Variants in SERPINF2 observed in about 807,000 individuals in gnomAD.
SERPINF2 encodes the protein serpin family F member 2, also known as alpha-2-antiplasmin.
A neutral mutation model predicts 45.0 loss-of-function variants in SERPINF2; 15 were observed. The ratio of observed to expected loss-of-function variants is 0.33; its 90% CI spans 0.22 to 0.51. SERPINF2 has a LOEUF of 0.51. SERPINF2 is among the 20% of genes least tolerant of loss of function. SERPINF2 has a pLI of 0.97. For missense variants in SERPINF2, 518 were observed against 637.4 expected (o/e 0.81, Z 2.02); for synonymous variants, 283 against 277.9 (o/e 1.02, Z -0.18).
intron 5 of SERPINF2, among the ~76,000 whole-genome samples, chr17:1,746,345 C>G (rs940751663): frequency 6.6e-6 from 1 of 151,980 alleles, no homozygotes; most frequent in African/African-American, 2.4e-5. Context: ...ATGCAGATTC[C>G]TGGGCCCCCA....
intron 9 of SERPINF2, among the ~76,000 whole-genome samples, chr17:1,753,284 G>A (rs1255471484): frequency 6.6e-6 from 1 of 152,198 alleles, no homozygotes; most frequent in Non-Finnish European, 1.5e-5. Flanking sequence ...TGCTACTGGG[G>A]AGGTTGAGGT....
intron 1 of SERPINF2, among the ~76,000 whole-genome samples, chr17:1,743,417 TGAGA>T: frequency 6.6e-6 from 1 of 152,270 alleles, no homozygotes. Flanking sequence ...CTGACCAGCC[TGAGA>T]AAGACGGGTT....
chr17:1,750,274 G>A lies in SERPINF2; in HGVS notation c.858+1534G>A, dbSNP rs1367459281. Among the ~76,000 whole-genome samples, 21 of 151,904 alleles carry A rather than the reference G, an allele frequency of 1.4e-4. No individual in the cohort carries two copies. The East Asian group carries it at 3.9e-3, about 28-fold the overall frequency. Reference sequence around the variant, plus strand: ...AGGGATTCTCCTGCCTCAGCCTCCCGAGTAGCTTGGACTACAGGCGCCCGC... The same window carrying A: ...AGGGATTCTCCTGCCTCAGCCTCCCAAGTAGCTTGGACTACAGGCGCCCGC... On this transcript the variant is annotated intron_variant, in intron 8 of 9. Transcript: ENST00000453066.
At chr17:1,753,990 C>T (rs1235913832) in intron 9 of SERPINF2, 132 bp from the exon 10 acceptor site, 7 of 1,036,690 alleles carry the variant, frequency 6.8e-6, no homozygotes, top group South Asian at 2.9e-5. Context: ...TCTTGGAAAC[C>T]GGATAGGAAT....
At chr17:1,744,526 G>A (rs565759515) in intron 1 of SERPINF2, 96 of 983,518 alleles carry the variant, frequency 9.8e-5, no homozygotes, top group Middle Eastern at 1.0e-3. Context: ...CCAAAAAGAC[G>A]GTCTTATTTT....
chr17:1,753,706 AAAAT>A (rs1172209981), intron 9 of SERPINF2, among the ~76,000 whole-genome samples: 1 of 152,172 alleles, frequency 6.6e-6, no homozygotes, highest in Non-Finnish European at 1.5e-5. Context: ...TATAATAACT[AAAAT>A]AAATAAATAA....
In SERPINF2 at chr17:1,745,420, G is replaced by C. The variant is rs745456546; in HGVS notation, c.165+25G>C. On this transcript the variant is annotated intron_variant, in intron 4 of 9. Coordinates refer to ENST00000453066, the MANE Select transcript of SERPINF2 (RefSeq NM_000934.4). This position sits in a 1 kb window ranked among gnomAD's most constrained non-coding sequence, Gnocchi z 6.2. ...GGTACAACCAGGTGGGGCTGGGGAA[G>C]AGTGGGCGGGGCTAGAGGGAGGAGG... The C allele has an allele frequency of 2.8e-5, 45 of 1,607,628 alleles. No homozygotes were observed. Among genetic ancestry groups the C allele is most frequent in the Non-Finnish European group, 3.7e-5 (43 of 1,176,490 alleles).
In SERPINF2 at chr17:1,745,519, G is replaced by A. The variant is rs1905736188; in HGVS notation, c.165+124G>A. 2 of 1,293,974 alleles carry A rather than the reference G, an allele frequency of 1.5e-6. No homozygotes were observed. The highest frequency in any genetic ancestry group is 2.2e-6 in the Non-Finnish European group (2 of 918,398). The allele number at this position is 1,293,974 out of a possible 1,614,324, so 80.2% of individuals were successfully genotyped here. On this transcript the variant is annotated intron_variant, in intron 4 of 9. Coordinates refer to ENST00000453066, the MANE Select transcript of SERPINF2 (RefSeq NM_000934.4). This position sits in a 1 kb window ranked among gnomAD's most constrained non-coding sequence, Gnocchi z 6.2. ...TCTGGAGTCCAGAGGCCAGAAGGGA[G>A]AGAGGGTGGGGAGGACCGAAGGTGG...
Position 1,745,255 on chromosome 17 carries a change from G to A in SERPINF2, c.102+42G>A, listed in dbSNP as rs760662355. The A allele has an allele frequency of 6.3e-7, 1 of 1,595,998 alleles. No homozygotes were observed. On this transcript the variant is annotated intron_variant, in intron 3 of 9. Coordinates refer to ENST00000453066, the MANE Select transcript of SERPINF2 (RefSeq NM_000934.4). This position sits in a 1 kb window ranked among gnomAD's most constrained non-coding sequence, Gnocchi z 6.2. ...AGCCTGTGATGGGGGGAAGGTCCCG[G>A]GGGTCTCACTGGTGGCTTGGGCAGG...
chr17:1,750,783 T>C (rs1567742444), intron 8 of SERPINF2, among the ~76,000 whole-genome samples: 1 of 152,112 alleles, frequency 6.6e-6, no homozygotes, highest in South Asian at 2.1e-4. Flanking sequence ...AGAAGCCACT[T>C]GGGCAGCCCT....
In SERPINF2 at chr17:1,755,030, A is replaced by C. The variant is rs1409515363; in HGVS notation, c.*496A>C. ...GTCTGGCACAGCCTGGCTGTGGCCT[A>C]ACCTGCCGAGAGTCCATCAGCCTCC... is the stretch of plus-strand genomic sequence containing the variant. On this transcript the variant is annotated 3_prime_UTR_variant, in exon 10 of 10. Transcript: ENST00000453066. The surrounding 1 kb of genome is among the most constrained non-coding windows in gnomAD (Gnocchi z 4.2). 1 of 169,662 alleles carries C rather than the reference A, an allele frequency of 5.9e-6. No individual in the cohort carries two copies. Among genetic ancestry groups the C allele is most frequent in the Non-Finnish European group, 1.3e-5 (1 of 79,520 alleles). 10.5% of individuals were successfully genotyped at this position (169,662 alleles called of 1,614,324 possible).
chr17:1,745,764 C>T lies in SERPINF2; in HGVS notation c.222C>T (p.Pro74=). The change falls in exon 5 of 10, where the codon CCC becomes CCT. Residue 74 remains proline, a synonymous_variant. Transcript: ENST00000453066. This position sits in a 1 kb window ranked among gnomAD's most constrained non-coding sequence, Gnocchi z 6.2. ...KSPPGVCSRD[P]TPEQTHRLAR... Reference sequence around the variant, plus strand: ...CCCCAGGAGTCTGCAGCAGAGACCCCACCCCAGAGCAGACCCACAGGCTGG... The same window carrying T: ...CCCCAGGAGTCTGCAGCAGAGACCCTACCCCAGAGCAGACCCACAGGCTGG... 6.2e-7 allele frequency: 1 copy of T among 1,614,018 alleles called. No homozygotes were observed. The highest frequency in any genetic ancestry group is 8.5e-7 in the Non-Finnish European group (1 of 1,180,014).
Position 1,745,562 on chromosome 17 carries a change from G to T in SERPINF2, c.166-146G>T, listed in dbSNP as rs1905739632. 4.3e-6 allele frequency: 5 copies of T among 1,159,932 alleles called. No individual in the cohort carries two copies. The highest frequency in any genetic ancestry group is 6.2e-6 in the Non-Finnish European group (5 of 802,384). 71.9% of individuals were successfully genotyped at this position (1,159,932 alleles called of 1,614,324 possible). The stretch of plus-strand genomic sequence containing the variant: ...GAAGGTGGGCGCCAGGCCCCAGAAT[G>T]CCAGTGCCCTCCGTCTGACGCTCCC... On this transcript the variant is annotated intron_variant, in intron 4 of 9. Transcript: ENST00000453066. This position sits in a 1 kb window ranked among gnomAD's most constrained non-coding sequence, Gnocchi z 6.2.
In SERPINF2 at chr17:1,752,606, GAAC is replaced by G; in HGVS notation, c.884_886del (p.Asn295del). On this transcript the variant is annotated inframe_deletion, in exon 9 of 10. Transcript: ENST00000453066. The stretch of plus-strand genomic sequence containing the variant: ...TGTAGGTGGCTCATTTCCCCTTTAA[GAAC>G]AACATGAGCTTTGTGGTCCTTGTAC... 3 of 1,614,122 alleles carry G rather than the reference GAAC, an allele frequency of 1.9e-6. No homozygotes were observed. Among genetic ancestry groups the G allele is most frequent in the Non-Finnish European group, 2.5e-6 (3 of 1,180,024 alleles).
At chr17:1,746,218 T>C (rs1905814950) in intron 5 of SERPINF2, among the ~76,000 whole-genome samples, 1 of 151,838 alleles carries the variant, frequency 6.6e-6, no homozygotes, top group South Asian at 2.1e-4. Context: ...CTCAGGAGGC[T>C]GAGGCAGAGA....
rs1263360994 is a variant in SERPINF2, at chr17:1,748,626, C to A, written c.744C>A (p.Ser248Arg). 1.9e-6 allele frequency: 3 copies of A among 1,613,918 alleles called. No individual in the cohort carries two copies. The highest frequency in any genetic ancestry group is 1.7e-6 in the Non-Finnish European group (2 of 1,180,058). Residue 248 changes from serine (S) to arginine (R), a missense_variant, in exon 8 of 10, where the codon AGC (serine) becomes AGA (arginine). Around this residue, in one of 2 missense-constraint regions of SERPINF2, gnomAD observed 435 missense variants for 577.3 expected, o/e 0.75. Transcript: ENST00000453066. ...QGFWRNKFDPSLTQRDSFHLD... is the reference protein window; with the variant it reads ...QGFWRNKFDPRLTQRDSFHLD... ...TCTGGAGGAACAAGTTTGACCCGAGCCTTACCCAGAGAGACTCCTTCCACC... is the reference window on the plus strand; with the variant it reads ...TCTGGAGGAACAAGTTTGACCCGAGACTTACCCAGAGAGACTCCTTCCACC...
At position 1,751,914 on chromosome 17, in the gene SERPINF2, T is replaced by C. The variant is rs965779841; in HGVS notation, c.859-672T>C. On this transcript the variant is annotated intron_variant, in intron 8 of 9. Transcript: ENST00000453066. ...GTATGACAGCCAGTGACCCTGTCTG[T>C]GGTACATCTGGAGAAGCTGAGACAA... Among the ~76,000 whole-genome samples, 6 of 138,974 alleles carry C rather than the reference T, an allele frequency of 4.3e-5. 2 individuals carry two copies. Among genetic ancestry groups the C allele is most frequent in the Non-Finnish European group, 9.8e-5 (6 of 61,378 alleles). The allele number at this position is 138,974 out of a possible 152,430, so 91.2% of individuals were successfully genotyped here. A position where few individuals can be genotyped will look rare whatever the true frequency, so the allele number is the denominator to read the frequency against.
At position 1,748,698 on chromosome 17, in the gene SERPINF2, G is replaced by C. The variant is rs571655769; in HGVS notation, c.816G>C (p.Thr272=). Residue 272 remains threonine (T), a synonymous_variant, in exon 8 of 10, where the codon ACG becomes ACC. Coordinates refer to ENST00000453066, the MANE Select transcript of SERPINF2 (RefSeq NM_000934.4). ...TVPVEMMQAR[T]YPLRWFLLEQ... ...CCGTGGAAATGATGCAGGCCCGCAC[G>C]TACCCGCTGCGCTGGTTCTTGCTGG... The C allele has an allele frequency of 1.3e-6, 2 of 1,568,126 alleles. No individual in the cohort carries two copies. Among genetic ancestry groups the C allele is most frequent in the East Asian group, 2.2e-5 (1 of 44,680 alleles).
intron 1 of SERPINF2, chr17:1,743,225 A>C (rs934849274): frequency 1.9e-6 from 1 of 525,756 alleles, no homozygotes; most frequent in African/African-American, 2.1e-5. Context: ...TGAGACCAAC[A>C]CCTGCCCTTC....
Sources: gnomAD v4.1 joint callset for allele counts (sites outside exome capture counted in the v4.1 genomes callset) on GRCh38, gnomAD v4.1.1 for gene constraint, gnomAD v4.1.1 regional missense constraint, Gnocchi (gnomAD v3.1) non-coding constraint, MANE v1.5 for transcripts, NCBI Gene and HGNC (gene_info 2026-07-23, HGNC 2026-07-21) for gene names.